The following PSMB1 variants were observed in gnomAD, a reference collection of about 807,000 sequenced individuals.
The protein encoded by PSMB1 is proteasome subunit beta type-1.
Under a neutral mutation model 25.4 loss-of-function variants are expected in PSMB1, and 7 were observed. The ratio of observed to expected loss-of-function variants is 0.28; its 90% CI spans 0.16 to 0.52. The LOEUF is 0.52. Among genes scored for constraint, PSMB1 ranks in the 20% least tolerant of loss-of-function variants. The pLI is 0.97. For synonymous variants in PSMB1, 119 were observed against 115.0 expected (o/e 1.03, Z -0.22); for missense variants, 284 against 302.2 (o/e 0.94, Z 0.45).
At chr6:170,550,907 G>T (rs199878606) in intron 1 of PSMB1, among the ~76,000 whole-genome samples, 2 of 25,086 alleles carry the variant, frequency 8.0e-5, no homozygotes, top group Non-Finnish European at 1.6e-4. Flanking sequence ...GAGGCTGAGG[G>T]GGGGGGGGGG....
chr6:170,542,883 T>C (rs1443187908), intron 4 of PSMB1, among the ~76,000 whole-genome samples: 1 of 152,164 alleles, frequency 6.6e-6, no homozygotes, highest in Non-Finnish European at 1.5e-5. Flanking sequence ...ATGACACAGA[T>C]GGACTACTTA....
At chr6:170,538,030 T>G (rs1189090903) in intron 4 of PSMB1, among the ~76,000 whole-genome samples, 1 of 152,166 alleles carries the variant, frequency 6.6e-6, no homozygotes, top group African/African-American at 2.4e-5. Flanking sequence ...CTGCTTTTGT[T>G]TAAAAGAATA....
chr6:170,537,776 G>A (rs75275576), intron 4 of PSMB1, among the ~76,000 whole-genome samples: 5,872 of 152,292 alleles, frequency 0.039, 145 homozygotes, highest in Middle Eastern at 0.085. Flanking sequence ...TCCAAGCCAT[G>A]GTAGTAGGTA....
chr6:170,539,284 G>T (rs1778730343), intron 4 of PSMB1, among the ~76,000 whole-genome samples: 2 of 152,180 alleles, frequency 1.3e-5, no homozygotes, highest in Non-Finnish European at 2.9e-5. Context: ...GAAACTGAAT[G>T]TCATAAAGAA....
intron 2 of PSMB1, among the ~76,000 whole-genome samples, chr6:170,547,944 T>C (rs966930191): frequency 3.4e-5 from 5 of 147,888 alleles, no homozygotes; most frequent in African/African-American, 1.3e-4. Flanking sequence ...ATTTAAAAGA[T>C]GAGTAAAAGC....
chr6:170,552,385 C>T (rs988349495), intron 1 of PSMB1, among the ~76,000 whole-genome samples: 1 of 152,100 alleles, frequency 6.6e-6, no homozygotes, highest in African/African-American at 2.4e-5. Flanking sequence ...CGTGCCACCA[C>T]GGAAAATTAT....
At position 170,540,314 on chromosome 6, in the gene PSMB1, AAGGGTAGG is replaced by A. The variant is rs569181425; in HGVS notation, c.434-2982_434-2975del. On this transcript the variant is annotated intron_variant, in intron 4 of 5. Transcript: ENST00000262193. The stretch of plus-strand genomic sequence containing the variant: ...TAGGGGACCAGGCTCTAGAGTGGCA[AAGGGTAGG>A]AGCAAAACACATGAAATGGAAAGTT... 6.6e-5 allele frequency among the ~76,000 whole-genome samples: 10 copies of A among 152,266 alleles called. No homozygotes were observed. The East Asian group carries it at 1.9e-3, about 29-fold the overall frequency.
chr6:170,545,354 A>T (rs1220673795), intron 3 of PSMB1, among the ~76,000 whole-genome samples: 1 of 152,198 alleles, frequency 6.6e-6, no homozygotes, highest in Non-Finnish European at 1.5e-5. Context: ...ATTATCATAT[A>T]AATATGCCAA....
Position 170,537,217 on chromosome 6 carries a change from G to A in PSMB1, c.540+17C>T. ...CAAGTTGGACATAGTATCATTACCT[G>A]GACACAGTATCATTACCTGGTTGTC... On this transcript the variant is annotated intron_variant, in intron 5 of 5. Coordinates refer to ENST00000262193, the MANE Select transcript of PSMB1 (RefSeq NM_002793.4). 3 of 1,591,640 alleles carry A rather than the reference G, an allele frequency of 1.9e-6. No homozygotes were observed. Among genetic ancestry groups the A allele is most frequent in the Non-Finnish European group, 2.6e-6 (3 of 1,159,930 alleles).
In PSMB1 at chr6:170,545,769, C is replaced by T. The variant is rs117856269; in HGVS notation, c.303+334G>A. 7.5e-3 allele frequency among the ~76,000 whole-genome samples: 1,145 copies of T among 152,302 alleles called. 5 individuals are homozygous for T. The highest frequency in any genetic ancestry group is 0.014 in the Middle Eastern group (4 of 294). On this transcript the variant is annotated intron_variant, in intron 3 of 5. Coordinates refer to ENST00000262193, the MANE Select transcript of PSMB1 (RefSeq NM_002793.4). The stretch of plus-strand genomic sequence containing the variant: ...AACCAAGCTCCTGTGTCAAATCTTT[C>T]CTGGGCTCTCTCCTGCCACAGAAAT...
chr6:170,546,030 T>C (rs774785284), intron 3 of PSMB1, 73 bp downstream of exon 3: 20 of 1,287,104 alleles, frequency 1.6e-5, no homozygotes, highest in East Asian at 2.5e-5. Context: ...CCAACAGTCA[T>C]GCTGTAGGCT....
intron 3 of PSMB1, 45 bp from the exon 4 acceptor site, chr6:170,543,775 A>G: frequency 6.5e-7 from 1 of 1,546,522 alleles, no homozygotes; most frequent in South Asian, 1.2e-5. Flanking sequence ...GGCAGAGGCC[A>G]TTATAGACTA....
At chr6:170,547,660 G>A (rs368539321) in intron 2 of PSMB1, among the ~76,000 whole-genome samples, 1 of 152,096 alleles carries the variant, frequency 6.6e-6, no homozygotes, top group African/African-American at 2.4e-5. Flanking sequence ...AATACCAACA[G>A]GGAAAGACAG....
At chr6:170,553,094 G>C in intron 1 of PSMB1, 36 bp downstream of exon 1, 1 of 1,536,306 alleles carries the variant, frequency 6.5e-7, no homozygotes. Flanking sequence ...TGGGGGAAGG[G>C]CGAAAGTGAA....
rs565672366 is a variant in PSMB1, at chr6:170,540,494, A to C, written c.433+3107T>G. Among the ~76,000 whole-genome samples the C allele has an allele frequency of 1.5e-4, 23 of 151,866 alleles. 1 individual carries two copies. The South Asian group carries it at 3.7e-3, about 25-fold the overall frequency. On this transcript the variant is annotated intron_variant, in intron 4 of 5. Transcript: ENST00000262193. The stretch of plus-strand genomic sequence containing the variant: ...ATCTGAAGAAAATGCTGCTTACTTA[A>C]GCACCCAGTTAACGGCTGTCAGTTG...
intron 4 of PSMB1, among the ~76,000 whole-genome samples, chr6:170,543,093 T>C (rs1778775406): frequency 1.3e-5 from 2 of 152,312 alleles, no homozygotes; most frequent in African/African-American, 4.8e-5. Flanking sequence ...AAAAATGGGA[T>C]GGAATATTAA....
intron 5 of PSMB1, 129 bp from the exon 6 acceptor site, chr6:170,535,534 CT>C (rs1778679802): frequency 2.5e-6 from 2 of 799,028 alleles, no homozygotes; most frequent in African/African-American, 3.5e-5. Context: ...TTAAAATGTC[CT>C]TCAGACTGAA....
chr6:170,542,818 A>G (rs1047969383), intron 4 of PSMB1, among the ~76,000 whole-genome samples: 5 of 152,182 alleles, frequency 3.3e-5, no homozygotes, highest in African/African-American at 7.2e-5. Context: ...GCTTACTCCA[A>G]TGATATCCTC....
At chr6:170,544,323 T>C (rs1778790936) in intron 3 of PSMB1, among the ~76,000 whole-genome samples, 1 of 152,196 alleles carries the variant, frequency 6.6e-6, no homozygotes, top group South Asian at 2.1e-4. Flanking sequence ...ACCCTTACTC[T>C]GCATGATTTT....
Sources: allele counts gnomAD v4.1 joint callset (sites outside exome capture counted in the v4.1 genomes callset), GRCh38; gene constraint gnomAD v4.1.1; transcripts MANE v1.5; gene names NCBI Gene and HGNC (gene_info 2026-07-23, HGNC 2026-07-21).